Variants in TBC1D28 observed in about 807,000 individuals in gnomAD.
TBC1D28 encodes TBC1 domain family, member 28.
A neutral mutation model predicts 29.2 loss-of-function variants in TBC1D28; 20 were observed. The ratio of observed to expected loss-of-function variants is 0.68; its 90% CI spans 0.48 to 0.99. TBC1D28 has a LOEUF of 0.99. Ranked by LOEUF, TBC1D28 falls within the 50% of genes least tolerant of loss-of-function variation. The probability of loss-of-function intolerance (pLI) is 0.00; values close to 1 mark genes in which losing one functional copy is unlikely to be tolerated. For missense variants in TBC1D28, 205 were observed against 243.7 expected (o/e 0.84, Z 1.06); for synonymous variants, 65 against 90.9 (o/e 0.71, Z 1.62).
chr17:18,637,874 A>G, exon 8 of TBC1D28: 1 of 1,613,604 alleles, frequency 6.2e-7, no homozygotes, highest in Non-Finnish European at 8.5e-7. Flanking sequence ...TTGACTCCGA[A>G]TCTTTGTATG....
intron 7 of TBC1D28, 133 bp from the exon 9 acceptor site, chr17:18,638,106 C>G: frequency 6.7e-7 from 1 of 1,492,542 alleles, no homozygotes; most frequent in Non-Finnish European, 9.2e-7. Context: ...GCAGAAAGCT[C>G]CTTTTTGCCT....
At chr17:18,643,893 C>T (rs1290133222), upstream of TBC1D28, among the ~76,000 whole-genome samples, 2 of 152,336 alleles carry the variant, frequency 1.3e-5, no homozygotes, top group East Asian at 1.9e-4. Flanking sequence ...TTGGACCGAG[C>T]ACCACCTCCC....
At chr17:18,638,556 C>A in intron 6 of TBC1D28, 65 bp downstream of exon 7, 1 of 1,243,854 alleles carries the variant, frequency 8.0e-7, no homozygotes, top group Non-Finnish European at 1.1e-6. Context: ...CAGGCCAAAA[C>A]CATGGGCGCC....
intron 8 of TBC1D28, among the ~76,000 whole-genome samples, chr17:18,637,113 G>A (rs991045435): frequency 2.2e-5 from 3 of 135,162 alleles, no homozygotes; most frequent in African/African-American, 6.0e-5. Context: ...AGCCTGTTGG[G>A]TCTGGCGTCA....
In TBC1D28 at chr17:18,639,469, C is replaced by T. The variant is rs569750692; in HGVS notation, c.159-255G>A. Among the ~76,000 whole-genome samples, 16 of 140,096 alleles carry T rather than the reference C, an allele frequency of 1.1e-4. No homozygotes were observed. In the South Asian group the frequency reaches 2.4e-3, roughly 21 times the overall value. 91.9% of individuals were successfully genotyped at this position (140,096 alleles called of 152,430 possible). On this transcript the variant is annotated intron_variant, in intron 4 of 8. Coordinates refer to ENST00000345096, the Ensembl canonical transcript of TBC1D28. Reference sequence around the variant, plus strand: ...GAAGCCCGTGGGGTGCCTTGGGCTGCACAACGGTGCTGCTCCACCTGGGCT... The same window carrying T: ...GAAGCCCGTGGGGTGCCTTGGGCTGTACAACGGTGCTGCTCCACCTGGGCT...
chr17:18,637,996 G>T lies in TBC1D28; in HGVS notation c.388-23C>A, dbSNP rs947402639. The T allele has an allele frequency of 3.0e-6, 4 of 1,345,392 alleles. No individual in the cohort carries two copies. The African/African-American group carries it at 6.3e-5, about 21-fold the overall frequency. The allele number at this position is 1,345,392 out of a possible 1,614,324, so 83.3% of individuals were successfully genotyped here. ...GACCTGTAGGGCGGGGCCAAGAGGA[G>T]GAAGCAGCCTCAGAACAGACAAAAG... On this transcript the variant is annotated intron_variant, in intron 7 of 8. Transcript: ENST00000345096.
At chr17:18,641,025 A>C (rs2031737306) in exon 4 of TBC1D28, 1 of 561,030 alleles carries the variant, frequency 1.8e-6, no homozygotes. Context: ...GACTTACTGC[A>C]CAATCCCGAG....
rs998898390 is a variant in TBC1D28 at position 18,636,701 on chromosome 17, TC to T, written c.498-105del. 6.4e-6 allele frequency: 9 copies of T among 1,410,268 alleles called. No individual in the cohort carries two copies. In the African/African-American group the frequency reaches 8.6e-5, roughly 14 times the overall value. 87.4% of individuals were successfully genotyped at this position (1,410,268 alleles called of 1,614,324 possible). A position where few individuals can be genotyped will look rare whatever the true frequency, so the allele number is the denominator to read the frequency against. ...CGAACACAATTCTGGGTTCAGATGA[TC>T]CCCCCAAATAAGCAGTGAGCTCTTT... On this transcript the variant is annotated intron_variant, in intron 8 of 8. Coordinates refer to ENST00000345096, the Ensembl canonical transcript of TBC1D28.
At chr17:18,634,371 G>T (rs1357264141), downstream of TBC1D28, among the ~76,000 whole-genome samples, 1 of 151,816 alleles carries the variant, frequency 6.6e-6, no homozygotes, top group Non-Finnish European at 1.5e-5. Context: ...TACCAAAAAT[G>T]CAAAGGAGTC....
At position 18,636,513 on chromosome 17, in the gene TBC1D28, CA is replaced by C; in HGVS notation, c.581del (p.Leu194ArgfsTer57). 6.2e-7 allele frequency: 1 copy of C among 1,613,900 alleles called. No individual in the cohort carries two copies. The highest frequency in any genetic ancestry group is 8.5e-7 in the Non-Finnish European group (1 of 1,180,020). On this transcript the variant is annotated frameshift_variant, in exon 9 of 9. Coordinates refer to ENST00000345096, the Ensembl canonical transcript of TBC1D28. LOFTEE classifies it high-confidence loss of function. ...ACACCCATGCCTGTGAATATGGGCA[CA>C]GGTACCAGGAATATCGCTGCCCGGG...
Position 18,641,635 on chromosome 17 carries a change from C to T in TBC1D28, c.-5G>A, listed in dbSNP as rs141008104. On this transcript the variant is annotated 5_prime_UTR_variant, in exon 2 of 9. Transcript: ENST00000345096. Reference sequence around the variant, plus strand: ...ACACCCCAAGGCAGACACACACCTGCCCTGGCAGGACAAACGGCGTCCACT... The same window carrying T: ...ACACCCCAAGGCAGACACACACCTGTCCTGGCAGGACAAACGGCGTCCACT... 1,089 of 493,330 alleles carry T rather than the reference C, an allele frequency of 2.2e-3. 5 individuals are homozygous for T. Among genetic ancestry groups the T allele is most frequent in the African/African-American group, 0.018 (932 of 52,030 alleles). The allele number at this position is 493,330 out of a possible 1,614,324, so 30.6% of individuals were successfully genotyped here.
At chr17:18,639,818 G>A (rs1452830350) in intron 4 of TBC1D28, among the ~76,000 whole-genome samples, 2 of 94,348 alleles carry the variant, frequency 2.1e-5, no homozygotes, top group Admixed American at 2.3e-4. Context: ...CCCTCTCTCC[G>A]GCCACTCTGG....
downstream of TBC1D28, among the ~76,000 whole-genome samples, chr17:18,634,297 T>G (rs1228589597): frequency 9.2e-5 from 14 of 151,624 alleles, no homozygotes; most frequent in Admixed American, 2.0e-4. Context: ...ACTCTTAAGT[T>G]GGAAAACACG....
chr17:18,634,793 C>T (rs1164268729), downstream of TBC1D28, among the ~76,000 whole-genome samples: 1 of 150,258 alleles, frequency 6.7e-6, no homozygotes, highest in African/African-American at 2.5e-5. Context: ...CTGCCCGCCC[C>T]TCAGCCCCTC....
chr17:18,642,012 A>G lies in TBC1D28; in HGVS notation c.-288T>C. The stretch of plus-strand genomic sequence containing the variant: ...GACTTTGTTTTCCTGGGTCACCAAG[A>G]AAGAACAAGAGAACGCTGGGGCCTT... On this transcript the variant is annotated 5_prime_UTR_variant, in exon 1 of 9. Coordinates refer to ENST00000345096, the Ensembl canonical transcript of TBC1D28. 1 of 167,994 alleles carries G rather than the reference A, an allele frequency of 6.0e-6. No individual in the cohort carries two copies. The highest frequency in any genetic ancestry group is 1.1e-4 in the South Asian group (1 of 9,038). The allele number at this position is 167,994 out of a possible 1,614,324, so 10.4% of individuals were successfully genotyped here.
chr17:18,636,218 A>G, exon 9 of TBC1D28: 3 of 1,280,958 alleles, frequency 2.3e-6, no homozygotes, highest in Non-Finnish European at 3.0e-6. Context: ...TCATTTCATG[A>G]CAAGTGCCTG....
In TBC1D28 at chr17:18,641,681, C is replaced by T. The variant is rs1256251647; in HGVS notation, c.-51G>A. 5.1e-6 allele frequency: 2 copies of T among 392,082 alleles called. No individual in the cohort carries two copies. The highest frequency in any genetic ancestry group is 9.3e-6 in the Non-Finnish European group (2 of 215,802). 24.3% of individuals were successfully genotyped at this position (392,082 alleles called of 1,614,324 possible). A position where few individuals can be genotyped will look rare whatever the true frequency, so the allele number is the denominator to read the frequency against. On this transcript the variant is annotated 5_prime_UTR_variant, in exon 2 of 9. In the 5' UTR this introduces an upstream ATG that the reference lacks. Transcript: ENST00000345096. ...CCACTTGCTGAGGGTGAAGTCCCCA[C>T]GATGGGCTGTTCTGGGCACCTGGAG...
intron 5 of TBC1D28, chr17:18,638,929 G>A: frequency 3.8e-6 from 3 of 783,952 alleles, no homozygotes; most frequent in African/African-American, 1.8e-5. Context: ...TTTTGGTCAG[G>A]TCCAGCCTTC....
intron 5 of TBC1D28, 119 bp downstream of exon 6, chr17:18,639,056 A>G: frequency 7.2e-7 from 1 of 1,393,972 alleles, no homozygotes; most frequent in Non-Finnish European, 9.8e-7. Flanking sequence ...CACCCCTCCC[A>G]GTGACAGCCG....
Sources: gnomAD v4.1 joint callset for allele counts (sites outside exome capture counted in the v4.1 genomes callset) on GRCh38, gnomAD v4.1.1 for gene constraint, MANE v1.5 for transcripts, NCBI Gene and HGNC (gene_info 2026-07-23, HGNC 2026-07-21) for gene names.